ADAMTS6: variants seen among roughly 807,000 people sequenced by gnomAD.
ADAMTS6 encodes A disintegrin and metalloproteinase with thrombospondin motifs 6.
ADAMTS6 carries 23 observed loss-of-function variants against 144.3 expected under a neutral mutation model. That is an observed-to-expected ratio of 0.16 (90% CI 0.11 to 0.23). ADAMTS6 has a LOEUF of 0.23. ADAMTS6 is among the 10% of genes least tolerant of loss of function. The pLI is 1.00. For missense variants in ADAMTS6, 999 were observed against 1,379.6 expected (o/e 0.72, Z 4.37); for synonymous variants, 444 against 457.5 (o/e 0.97, Z 0.38).
At chr5:65,355,134 C>A (rs1285228591) in intron 7 of ADAMTS6, among the ~76,000 whole-genome samples, 1 of 151,714 alleles carries the variant, frequency 6.6e-6, no homozygotes, top group Non-Finnish European at 1.5e-5. Context: ...TTGGCCAAAT[C>A]TAGTATATCT....
chr5:65,335,360 G>A (rs758730935), intron 7 of ADAMTS6, among the ~76,000 whole-genome samples: 5 of 151,976 alleles, frequency 3.3e-5, no homozygotes, highest in African/African-American at 9.7e-5. Flanking sequence ...GAACACCCTC[G>A]AATGTAAGAT....
chr5:65,159,933 C>T (rs1752651593), intron 24 of ADAMTS6, among the ~76,000 whole-genome samples: 1 of 152,136 alleles, frequency 6.6e-6, no homozygotes, highest in Non-Finnish European at 1.5e-5. Flanking sequence ...CAGTTTTTGC[C>T]ATTAAAAGTA....
chr5:65,308,207 T>C (rs551033055), intron 9 of ADAMTS6, among the ~76,000 whole-genome samples: 18 of 152,298 alleles, frequency 1.2e-4, no homozygotes, highest in African/African-American at 3.8e-4. Context: ...TAGGAACACA[T>C]GGTTGCTTTA....
intron 8 of ADAMTS6, among the ~76,000 whole-genome samples, chr5:65,330,878 AAG>A (rs2150059400): frequency 6.6e-6 from 1 of 152,150 alleles, no homozygotes; most frequent in South Asian, 2.1e-4. Flanking sequence ...AGAATGTAAA[AAG>A]TGGAGCAGGA....
At chr5:65,371,942 G>T (rs1387806137) in intron 7 of ADAMTS6, among the ~76,000 whole-genome samples, 1 of 152,114 alleles carries the variant, frequency 6.6e-6, no homozygotes, top group Non-Finnish European at 1.5e-5. Flanking sequence ...AACTCTACAA[G>T]CCAGAAGAGA....
intron 7 of ADAMTS6, among the ~76,000 whole-genome samples, chr5:65,338,965 A>C (rs1277014728): frequency 6.6e-6 from 1 of 152,164 alleles, no homozygotes; most frequent in Non-Finnish European, 1.5e-5. Flanking sequence ...CCAGCCAAGC[A>C]GCTGTGCACT....
At chr5:65,315,076 A>AT (rs1744861481) in intron 9 of ADAMTS6, among the ~76,000 whole-genome samples, 1 of 152,138 alleles carries the variant, frequency 6.6e-6, no homozygotes, top group Admixed American at 6.5e-5. Context: ...TAATTGATAT[A>AT]AAAGATAACT....
At chr5:65,366,669 T>G (rs1750334977) in intron 7 of ADAMTS6, among the ~76,000 whole-genome samples, 1 of 152,198 alleles carries the variant, frequency 6.6e-6, no homozygotes, top group South Asian at 2.1e-4. Context: ...GACCCCAGAT[T>G]CTTACTAACT....
intron 4 of ADAMTS6, among the ~76,000 whole-genome samples, chr5:65,459,968 C>T (rs1251172176): frequency 6.6e-6 from 1 of 152,084 alleles, no homozygotes; most frequent in African/African-American, 2.4e-5. Flanking sequence ...TTTATACAAA[C>T]TTACAGCTTA....
chr5:65,309,465 G>A (rs1206570897), intron 9 of ADAMTS6, among the ~76,000 whole-genome samples: 1 of 151,278 alleles, frequency 6.6e-6, no homozygotes, highest in Non-Finnish European at 1.5e-5. Context: ...GTGGCAGTGG[G>A]GGGGTGGGGA....
chr5:65,352,983 C>G (rs1164079549), intron 7 of ADAMTS6, among the ~76,000 whole-genome samples: 1 of 152,002 alleles, frequency 6.6e-6, no homozygotes, highest in African/African-American at 2.4e-5. Context: ...GCACAATGGC[C>G]TACATTCTTT....
chr5:65,463,704 T>C (rs397400), intron 3 of ADAMTS6, among the ~76,000 whole-genome samples: 8,630 of 152,266 alleles, frequency 0.057, 316 homozygotes, highest in East Asian at 0.098. Context: ...CTCTCCCTAT[T>C]ATTTGAAACA....
intron 11 of ADAMTS6, 77 bp downstream of exon 11, chr5:65,291,252 A>T: frequency 6.7e-7 from 1 of 1,502,190 alleles, no homozygotes; most frequent in Non-Finnish European, 8.9e-7. Context: ...ACCGACATTC[A>T]TCGTAATTCC....
chr5:65,357,842 C>CA (rs1004415677), intron 7 of ADAMTS6, among the ~76,000 whole-genome samples: 2 of 151,610 alleles, frequency 1.3e-5, no homozygotes, highest in Admixed American at 1.3e-4. Context: ...AATCAGTAAT[C>CA]AAAAAAACTC....
At chr5:65,164,155 C>A (rs933026207) in intron 24 of ADAMTS6, among the ~76,000 whole-genome samples, 1 of 151,808 alleles carries the variant, frequency 6.6e-6, no homozygotes, top group Admixed American at 6.6e-5. Context: ...AGACAGTGGG[C>A]GCAGGCCAGT....
chr5:65,445,465 G>C (rs1561548192), intron 7 of ADAMTS6, among the ~76,000 whole-genome samples: 1 of 152,280 alleles, frequency 6.6e-6, no homozygotes, highest in East Asian at 1.9e-4. Flanking sequence ...AGCATCCTGA[G>C]TATCTGGGAT....
At chr5:65,430,832 A>T (rs1241078087) in intron 7 of ADAMTS6, among the ~76,000 whole-genome samples, 1 of 152,026 alleles carries the variant, frequency 6.6e-6, no homozygotes, top group Admixed American at 6.6e-5. Context: ...TTCTTTGTTG[A>T]CTCCTCATTC....
At chr5:65,313,360 C>A (rs946637071) in intron 9 of ADAMTS6, among the ~76,000 whole-genome samples, 1 of 151,972 alleles carries the variant, frequency 6.6e-6, no homozygotes, top group Non-Finnish European at 1.5e-5. Context: ...TATGTTTTAG[C>A]TACTATGTGA....
intron 8 of ADAMTS6, among the ~76,000 whole-genome samples, chr5:65,331,821 T>C (rs1382404208): frequency 2.0e-5 from 3 of 152,096 alleles, no homozygotes; most frequent in East Asian, 3.9e-4. Context: ...ATATTTTCCA[T>C]AGATGAAGTT....
Sources: allele counts gnomAD v4.1 joint callset (sites outside exome capture counted in the v4.1 genomes callset), GRCh38; gene constraint gnomAD v4.1.1; transcripts MANE v1.5; gene names NCBI Gene and HGNC (gene_info 2026-07-23, HGNC 2026-07-21).